The following EYS variants were observed in gnomAD, a reference collection of about 807,000 sequenced individuals.
EYS encodes EGF-like photoreceptor maintenance factor.
A neutral mutation model predicts 282.1 loss-of-function variants in EYS; 250 were observed. That is an observed-to-expected ratio of 0.89 (90% CI 0.80 to 0.98). The LOEUF (loss-of-function observed/expected upper bound fraction) is 0.98. Ranked by LOEUF, EYS falls within the 50% of genes least tolerant of loss-of-function variation. The pLI, the probability that EYS is intolerant of heterozygous loss-of-function variation, is 0.00. For missense variants in EYS, 4,016 were observed against 3,709.0 expected, an observed-to-expected ratio of 1.08 and a Z score of -2.15; for synonymous variants, 1,355 against 1,282.9, an observed-to-expected ratio of 1.06 and a Z score of -1.20.
Position 65,186,731 on chromosome 6 carries a change from C to T in EYS, c.2023+109132G>A, listed in dbSNP as rs188943102. On this transcript the variant is annotated intron_variant, in intron 12 of 42. Coordinates refer to ENST00000503581, the MANE Select transcript of EYS (RefSeq NM_001142800.2). Reference sequence around the variant, plus strand: ...AAAAGATTGGGCTTCAGAACGGTGTCGCCTCTTAGGTTAAGGTGGCAAGTG... The same window carrying T: ...AAAAGATTGGGCTTCAGAACGGTGTTGCCTCTTAGGTTAAGGTGGCAAGTG... Among the ~76,000 whole-genome samples the T allele has an allele frequency of 1.6e-4, 24 of 151,736 alleles. No individual in the cohort carries two copies. In the East Asian group the frequency reaches 3.3e-3, roughly 21 times the overall value.
chr6:64,337,087 C>T (rs1253124732), intron 29 of EYS, among the ~76,000 whole-genome samples: 2 of 151,820 alleles, frequency 1.3e-5, no homozygotes, highest in Non-Finnish European at 2.9e-5. Context: ...AAGAACAAAC[C>T]AAATCCAAAG....
At chr6:64,104,653 A>G (rs1772944784) in intron 31 of EYS, among the ~76,000 whole-genome samples, 2 of 151,894 alleles carry the variant, frequency 1.3e-5, no homozygotes, top group Non-Finnish European at 2.9e-5. Context: ...CTTAGAAGTC[A>G]GCTACTTTTT....
Position 64,590,540 on chromosome 6 carries a change from G to A in EYS, c.5327C>T (p.Pro1776Leu), listed in dbSNP as rs1344006747. 6.4e-7 allele frequency: 1 copy of A among 1,551,192 alleles called. No individual in the cohort carries two copies. The highest frequency in any genetic ancestry group is 1.4e-5 in the African/African-American group (1 of 73,026). The change falls in exon 26 of 43, where the codon CCA becomes CTA. Residue 1776 changes from proline to leucine, a missense_variant. Transcript: ENST00000503581. Reference sequence around the variant, plus strand: ...AAAATCAGGCACTGAGCCTGTCAATGGTGGCAGATTATTTTTGAAGTCATT... The same window carrying A: ...AAAATCAGGCACTGAGCCTGTCAATAGTGGCAGATTATTTTTGAAGTCATT... Reference protein sequence around the residue: ...HANDFKNNLPPLTGSVPDFSE... With the variant: ...HANDFKNNLPLLTGSVPDFSE...
At chr6:64,331,211 T>C (rs1770634649) in intron 29 of EYS, among the ~76,000 whole-genome samples, 1 of 152,128 alleles carries the variant, frequency 6.6e-6, no homozygotes, top group African/African-American at 2.4e-5. Flanking sequence ...TTTTTGCCAT[T>C]TGCATGCCCA....
intron 26 of EYS, among the ~76,000 whole-genome samples, chr6:64,471,339 A>G (rs2150492491): frequency 6.6e-6 from 1 of 152,298 alleles, no homozygotes; most frequent in South Asian, 2.1e-4. Context: ...TATGTAGAGA[A>G]AAGCCTAAAG....
intron 8 of EYS, among the ~76,000 whole-genome samples, chr6:65,360,813 T>C (rs1046360456): frequency 1.3e-5 from 2 of 152,156 alleles, no homozygotes; most frequent in African/African-American, 4.8e-5. Flanking sequence ...GTCACTGCTA[T>C]GTAGAAAGAC....
intron 30 of EYS, among the ~76,000 whole-genome samples, chr6:64,238,194 A>G (rs1255529964): frequency 6.6e-6 from 1 of 152,162 alleles, no homozygotes; most frequent in East Asian, 1.9e-4. Context: ...ACACAGTCAC[A>G]AATAGGATTC....
chr6:65,339,787 C>A (rs549458184), intron 10 of EYS, among the ~76,000 whole-genome samples: 1 of 151,170 alleles, frequency 6.6e-6, no homozygotes, highest in East Asian at 1.9e-4. Flanking sequence ...GTACTATTTT[C>A]TTTGATGTTT....
chr6:63,857,166 G>C (rs1772415115), intron 36 of EYS, among the ~76,000 whole-genome samples: 1 of 152,034 alleles, frequency 6.6e-6, no homozygotes, highest in African/African-American at 2.4e-5. Flanking sequence ...AATTCTCAAG[G>C]TGACTTCGTA....
At chr6:65,608,491 G>A (rs1294592622) in intron 2 of EYS, among the ~76,000 whole-genome samples, 7 of 151,788 alleles carry the variant, frequency 4.6e-5, no homozygotes, top group Admixed American at 4.6e-4. Flanking sequence ...TATAAACAGT[G>A]TACACTTTAT....
intron 36 of EYS, among the ~76,000 whole-genome samples, chr6:63,863,971 G>C (rs1395702672): frequency 6.6e-6 from 1 of 152,148 alleles, no homozygotes; most frequent in Non-Finnish European, 1.5e-5. Flanking sequence ...ACTGTACCTA[G>C]CCACCACTTT....
intron 26 of EYS, among the ~76,000 whole-genome samples, chr6:64,459,724 TC>T (rs1209042813): frequency 1.3e-5 from 2 of 152,138 alleles, no homozygotes; most frequent in Non-Finnish European, 2.9e-5. Flanking sequence ...GTCTCTTCAC[TC>T]CACTTTCTTC....
intron 5 of EYS, among the ~76,000 whole-genome samples, chr6:65,485,894 A>G (rs1021490230): frequency 6.6e-6 from 1 of 152,204 alleles, no homozygotes; most frequent in Admixed American, 6.6e-5. Context: ...TTTTCCCTCC[A>G]ATTCATTAAA....
At chr6:65,080,570 T>C (rs147052972) in intron 12 of EYS, among the ~76,000 whole-genome samples, 160 of 152,232 alleles carry the variant, frequency 1.1e-3, no homozygotes, top group African/African-American at 3.5e-3. Context: ...CTCAATATAC[T>C]GTGGCTCACT....
chr6:65,467,690 T>A (rs1490279347), intron 5 of EYS, among the ~76,000 whole-genome samples: 1 of 152,126 alleles, frequency 6.6e-6, no homozygotes, highest in Non-Finnish European at 1.5e-5. Context: ...CCAAATTAAA[T>A]TATATATTTA....
intron 33 of EYS, among the ~76,000 whole-genome samples, chr6:64,049,373 C>T (rs1199667295): frequency 3.9e-5 from 6 of 152,150 alleles, no homozygotes; most frequent in Admixed American, 3.9e-4. Flanking sequence ...GAGATGAGCA[C>T]ATTTCACTGT....
intron 14 of EYS, among the ~76,000 whole-genome samples, chr6:64,994,060 C>T (rs1771166745): frequency 6.6e-6 from 1 of 151,632 alleles, no homozygotes; most frequent in South Asian, 2.1e-4. Flanking sequence ...AGGGGAAATA[C>T]TAGATTAATT....
chr6:64,204,007 TC>T (rs1446606088), intron 31 of EYS, among the ~76,000 whole-genome samples: 2 of 152,192 alleles, frequency 1.3e-5, no homozygotes, highest in Non-Finnish European at 2.9e-5. Context: ...AAGGTTCTTA[TC>T]TTTCTACCTT....
chr6:64,892,235 G>A (rs1767313575), intron 18 of EYS, among the ~76,000 whole-genome samples: 2 of 151,840 alleles, frequency 1.3e-5, no homozygotes, highest in Non-Finnish European at 2.9e-5. Context: ...TATTCCAGAT[G>A]AGAGAGGAAT....
Sources: allele counts gnomAD v4.1 joint callset (sites outside exome capture counted in the v4.1 genomes callset), GRCh38; gene constraint gnomAD v4.1.1; transcripts MANE v1.5; gene names NCBI Gene and HGNC (gene_info 2026-07-23, HGNC 2026-07-21).